The following IL10RA variants were observed in gnomAD, a reference collection of about 807,000 sequenced individuals.
IL10RA encodes interleukin 10 receptor subunit alpha, also known as interleukin-10 receptor subunit alpha.
IL10RA carries 18 observed loss-of-function variants against 29.6 expected under a neutral mutation model. The observed-to-expected ratio is 0.61, with a 90% confidence interval of 0.42 to 0.90. The LOEUF (loss-of-function observed/expected upper bound fraction) is 0.90, where lower values mean the gene tolerates loss of function less well. Among genes scored for constraint, IL10RA ranks in the 40% least tolerant of loss-of-function variants. IL10RA has a pLI of 0.00. For missense variants in IL10RA, 634 were observed against 716.6 expected, an observed-to-expected ratio of 0.88 and a Z score of 1.32; for synonymous variants, 292 against 294.1, an observed-to-expected ratio of 0.99 and a Z score of 0.07.
chr11:117,992,100 C>T (rs972467169), intron 3 of IL10RA, among the ~76,000 whole-genome samples: 2 of 152,144 alleles, frequency 1.3e-5, no homozygotes, highest in African/African-American at 4.8e-5. Context: ...TTAAAAAACC[C>T]ATTCATCCAT....
At position 117,999,627 on chromosome 11, in the gene IL10RA, C is replaced by G. The variant is rs1370360498; in HGVS notation, c.1723C>G (p.Gln575Glu). 1 of 1,613,636 alleles carries G rather than the reference C, an allele frequency of 6.2e-7. No individual in the cohort carries two copies. Among genetic ancestry groups the G allele is most frequent in the East Asian group, 2.2e-5 (1 of 44,874 alleles). Reference sequence around the variant, plus strand: ...CACCCTGCCCCTCATCTCTAGCCTGCAGTCAAGTGAGTGACTCGGGCTGAG... The same window carrying G: ...CACCCTGCCCCTCATCTCTAGCCTGGAGTCAAGTGAGTGACTCGGGCTGAG... ...LVTLPLISSLQSSE is the reference protein window; with the variant it reads ...LVTLPLISSLESSE Residue 575 changes from glutamine to glutamate, a missense_variant, in exon 7 of 7, where the codon CAG (glutamine) becomes GAG (glutamate). Gln to Glu is a conservative substitution (Grantham distance 29). Transcript: ENST00000227752.
downstream of IL10RA, chr11:118,002,550 A>G (rs762304661): frequency 6.6e-6 from 1 of 152,248 alleles, no homozygotes; most frequent in Admixed American, 6.5e-5. Context: ...AGGTCTAAAT[A>G]TAAAGATTCA....
chr11:117,992,378 A>G (rs1026449866), intron 3 of IL10RA, among the ~76,000 whole-genome samples: 4 of 152,194 alleles, frequency 2.6e-5, no homozygotes, highest in Non-Finnish European at 4.4e-5. Flanking sequence ...TCTTTTGGAT[A>G]ATAGCCAATC....
Position 117,998,878 on chromosome 11 carries a change from A to G in IL10RA, c.974A>G (p.Lys325Arg). 6.2e-7 allele frequency: 1 copy of G among 1,614,216 alleles called. No homozygotes were observed. The highest frequency in any genetic ancestry group is 8.5e-7 in the Non-Finnish European group (1 of 1,180,030). Reference sequence around the variant, plus strand: ...ACAGACAGTGGCTTTGGCAGCACCAAGCCATCCCTGCAGACTGAAGAGCCC... The same window carrying G: ...ACAGACAGTGGCTTTGGCAGCACCAGGCCATCCCTGCAGACTGAAGAGCCC... ...GSTDSGFGST[K>R]PSLQTEEPQF... Residue 325 changes from lysine to arginine, a missense_variant, in exon 7 of 7, where the codon AAG becomes AGG. Lys to Arg is a conservative substitution (Grantham distance 26). Transcript: ENST00000227752.
Position 117,993,423 on chromosome 11 carries a change from C to G in IL10RA, c.537+13C>G, listed in dbSNP as rs753892251. 6.2e-7 allele frequency: 1 copy of G among 1,612,768 alleles called. No homozygotes were observed. Among genetic ancestry groups the G allele is most frequent in the Non-Finnish European group, 8.5e-7 (1 of 1,178,890 alleles). On this transcript the variant is annotated intron_variant, in intron 4 of 6. Transcript: ENST00000227752. ...GGGAAACTTCACGGTATGGGGTTCCCCAAGGCCCCAGGGCCAGAACTCCCT... is the reference window on the plus strand; with the variant it reads ...GGGAAACTTCACGGTATGGGGTTCCGCAAGGCCCCAGGGCCAGAACTCCCT...
chr11:117,990,086 G>A (rs1169588493), intron 3 of IL10RA, among the ~76,000 whole-genome samples: 1 of 152,160 alleles, frequency 6.6e-6, no homozygotes, highest in Non-Finnish European at 1.5e-5. Flanking sequence ...GAGGTAAGAG[G>A]AAAGGATAAG....
intron 1 of IL10RA, 197 bp downstream of exon 1, chr11:117,986,731 C>T (rs1851335668): frequency 5.9e-6 from 9 of 1,533,400 alleles, no homozygotes; most frequent in Non-Finnish European, 7.9e-6. Flanking sequence ...CAGGAACTGA[C>T]GGATTGGGAA....
chr11:117,992,405 G>T (rs1220802042), intron 3 of IL10RA, among the ~76,000 whole-genome samples: 1 of 152,118 alleles, frequency 6.6e-6, no homozygotes, highest in Admixed American at 6.5e-5. Flanking sequence ...GTGTGGAGTG[G>T]TATCTCATTG....
Position 117,993,985 on chromosome 11 carries a change from C to G in IL10RA, c.538-14C>G. ...ATAAAAGGATTTTGTTAATTGCTAT[C>G]ATTTTTGTTTCAGTTCACACACAAG... On this transcript the variant is annotated splice_polypyrimidine_tract_variant and intron_variant, in intron 4 of 6. Coordinates refer to ENST00000227752, the MANE Select transcript of IL10RA (RefSeq NM_001558.4). 6.2e-7 allele frequency: 1 copy of G among 1,612,090 alleles called. No homozygotes were observed. Among genetic ancestry groups the G allele is most frequent in the Non-Finnish European group, 8.5e-7 (1 of 1,178,144 alleles).
Position 117,989,718 on chromosome 11 carries a change from G to A in IL10RA, c.367+98G>A. 1 of 1,261,416 alleles carries A rather than the reference G, an allele frequency of 7.9e-7. No individual in the cohort carries two copies. The highest frequency in any genetic ancestry group is 1.5e-5 in the African/African-American group (1 of 67,874). 78.1% of individuals were successfully genotyped at this position (1,261,416 alleles called of 1,614,324 possible). A position where few individuals can be genotyped will look rare whatever the true frequency, so the allele number is the denominator to read the frequency against. On this transcript the variant is annotated intron_variant, in intron 3 of 6. Coordinates refer to ENST00000227752, the MANE Select transcript of IL10RA (RefSeq NM_001558.4). This position sits in a 1 kb window ranked among gnomAD's most constrained non-coding sequence, Gnocchi z 4.5. Reference sequence around the variant, plus strand: ...TCTGTCTATTACCATAGCTCACCATGTCTGCCAGCCTCCCTGGCCGGAGAA... The same window carrying A: ...TCTGTCTATTACCATAGCTCACCATATCTGCCAGCCTCCCTGGCCGGAGAA...
chr11:118,000,436 C>T lies in IL10RA; in HGVS notation c.*795C>T, dbSNP rs2058088554. On this transcript the variant is annotated 3_prime_UTR_variant, in exon 7 of 7. Coordinates refer to ENST00000227752, the MANE Select transcript of IL10RA (RefSeq NM_001558.4). ...CACTCACATCCTCACTTTGCTGCCCCACCATCTTGCTGACAACTTCCAGAG... is the reference window on the plus strand; with the variant it reads ...CACTCACATCCTCACTTTGCTGCCCTACCATCTTGCTGACAACTTCCAGAG... 2 of 454,188 alleles carry T rather than the reference C, an allele frequency of 4.4e-6. No homozygotes were observed. Among genetic ancestry groups the T allele is most frequent in the African/African-American group, 2.0e-5 (1 of 50,008 alleles). 28.1% of individuals were successfully genotyped at this position (454,188 alleles called of 1,614,324 possible).
Position 117,993,221 on chromosome 11 carries a change from C to A in IL10RA, c.368-20C>A, listed in dbSNP as rs759939442. On this transcript the variant is annotated intron_variant, in intron 3 of 6. Transcript: ENST00000227752. Reference sequence around the variant, plus strand: ...GCCCTCAAGTCTCATGGTATTCCCCCCCACCCCAACTCCATTTAGTGACTC... The same window carrying A: ...GCCCTCAAGTCTCATGGTATTCCCCACCACCCCAACTCCATTTAGTGACTC... The A allele has an allele frequency of 5.2e-5, 84 of 1,612,602 alleles. No individual in the cohort carries two copies. Among genetic ancestry groups the A allele is most frequent in the Non-Finnish European group, 6.4e-5 (76 of 1,178,790 alleles).
chr11:117,998,361 A>T (rs187311372), intron 6 of IL10RA, among the ~76,000 whole-genome samples: 2 of 152,322 alleles, frequency 1.3e-5, no homozygotes, highest in African/African-American at 4.8e-5. Flanking sequence ...TTTGAGTCAT[A>T]GTCAAAAAAG....
At chr11:117,993,172 G>A (rs2134987858) in intron 3 of IL10RA, 69 bp from the exon 4 acceptor site, 3 of 1,427,264 alleles carry the variant, frequency 2.1e-6, no homozygotes, top group East Asian at 2.3e-5. Flanking sequence ...CAAAGTCTCG[G>A]CGGGGACACC....
intron 3 of IL10RA, 23 bp from the exon 4 acceptor site, chr11:117,993,218 C>T (rs1052156029): frequency 4.3e-6 from 7 of 1,611,544 alleles, no homozygotes; most frequent in Non-Finnish European, 5.9e-6. Flanking sequence ...CATGGTATTC[C>T]CCCCCACCCC....
At chr11:118,001,534 C>T (rs766135045), downstream of IL10RA, 13 of 375,150 alleles carry the variant, frequency 3.5e-5, no homozygotes, top group African/African-American at 8.5e-5. Context: ...ATGGAGGACT[C>T]GGTTGTTGAT....
intron 3 of IL10RA, among the ~76,000 whole-genome samples, chr11:117,992,381 A>T (rs955085737): frequency 6.6e-6 from 1 of 152,198 alleles, no homozygotes; most frequent in Non-Finnish European, 1.5e-5. Flanking sequence ...TTTGGATAAT[A>T]GCCAATCTAA....
Position 117,993,280 on chromosome 11 carries a change from A to C in IL10RA, c.407A>C (p.Asn136Thr). The C allele has an allele frequency of 6.2e-7, 1 of 1,614,128 alleles. No individual in the cohort carries two copies. The highest frequency in any genetic ancestry group is 8.5e-7 in the Non-Finnish European group (1 of 1,179,996). The change falls in exon 4 of 7, where the codon AAT becomes ACT. Residue 136 changes from asparagine (N) to threonine (T), a missense_variant. Transcript: ENST00000227752. ...GGCAGTGTGAACCTAGAGATCCACA[A>C]TGGCTTCATCCTCGGGAAGATTCAG... ...TVGSVNLEIH[N>T]GFILGKIQLP...
rs1419560997 is a variant in IL10RA at position 117,993,410 on chromosome 11, G to A, written c.537G>A (p.Thr179=). Residue 179 remains threonine (T), a splice_region_variant and synonymous_variant, in exon 4 of 7, where the codon ACG becomes ACA. Coordinates refer to ENST00000227752, the MANE Select transcript of IL10RA (RefSeq NM_001558.4). ...IAIRKVPGNF[T]FTHKKVKHEN... ...TTCGCAAGGTGCCGGGAAACTTCAC[G>A]GTATGGGGTTCCCCAAGGCCCCAGG... The A allele has an allele frequency of 1.4e-5, 22 of 1,613,778 alleles. No homozygotes were observed. The East Asian group carries it at 2.4e-4, about 18-fold the overall frequency.
Sources: allele counts gnomAD v4.1 joint callset (sites outside exome capture counted in the v4.1 genomes callset), GRCh38; gene constraint gnomAD v4.1.1; non-coding constraint Gnocchi (gnomAD v3.1); transcripts MANE v1.5; gene names NCBI Gene and HGNC (gene_info 2026-07-23, HGNC 2026-07-21).